Variants in DACH1 observed in about 807,000 individuals in gnomAD.
DACH1 encodes dachshund homolog 1.
A neutral mutation model predicts 54.2 loss-of-function variants in DACH1; 12 were observed. That is an observed-to-expected ratio of 0.22 (90% CI 0.14 to 0.36). The LOEUF (loss-of-function observed/expected upper bound fraction) is 0.36, where lower values mean the gene tolerates loss of function less well. DACH1 is among the 10% of genes least tolerant of loss of function. The probability of loss-of-function intolerance (pLI) is 1.00; values close to 1 mark genes in which losing one functional copy is unlikely to be tolerated. For synonymous variants in DACH1, 386 were observed against 366.2 expected, an observed-to-expected ratio of 1.05 and a Z score of -0.62; for missense variants, 805 against 929.8, an observed-to-expected ratio of 0.87 and a Z score of 1.75.
chr13:71,576,993 TA>T (rs1885570350), intron 3 of DACH1, among the ~76,000 whole-genome samples: 2 of 152,158 alleles, frequency 1.3e-5, no homozygotes, highest in South Asian at 4.1e-4. Context: ...GGTAAAGGCC[TA>T]AATCTAAACA....
intron 1 of DACH1, among the ~76,000 whole-genome samples, chr13:71,817,964 G>A (rs770578686): frequency 9.2e-5 from 14 of 151,438 alleles, no homozygotes; most frequent in Admixed American, 4.6e-4. Flanking sequence ...ACAGCCACCC[G>A]CCATGATGCC....
At chr13:71,817,018 T>C (rs1193537421) in intron 1 of DACH1, among the ~76,000 whole-genome samples, 1 of 152,032 alleles carries the variant, frequency 6.6e-6, no homozygotes, top group Non-Finnish European at 1.5e-5. Context: ...TGACACAAGT[T>C]TACCTGTGTA....
intron 3 of DACH1, among the ~76,000 whole-genome samples, chr13:71,592,319 C>G (rs1223718738): frequency 6.6e-6 from 1 of 151,350 alleles, no homozygotes; most frequent in African/African-American, 2.4e-5. Flanking sequence ...CAAGACCAGG[C>G]TGGGCAACAA....
chr13:71,578,216 T>C (rs753669877), intron 3 of DACH1, among the ~76,000 whole-genome samples: 4 of 152,178 alleles, frequency 2.6e-5, no homozygotes, highest in Non-Finnish European at 4.4e-5. Flanking sequence ...CCACTGCTTA[T>C]TGAGTGACAC....
At chr13:71,803,238 A>G (rs1887358662) in intron 1 of DACH1, among the ~76,000 whole-genome samples, 1 of 152,124 alleles carries the variant, frequency 6.6e-6, no homozygotes, top group South Asian at 2.1e-4. Context: ...AAGATGTGTA[A>G]GATTCCTGGT....
At chr13:71,631,795 A>G (rs918684972) in intron 2 of DACH1, among the ~76,000 whole-genome samples, 18 of 152,110 alleles carry the variant, frequency 1.2e-4, no homozygotes, top group African/African-American at 4.3e-4. Flanking sequence ...AGAGGCAGAC[A>G]TTAAATTAGA....
Position 71,628,668 on chromosome 13 carries a change from A to C in DACH1, c.1126+1888T>G, listed in dbSNP as rs972595641. Among the ~76,000 whole-genome samples the C allele has an allele frequency of 3.9e-5, 6 of 152,218 alleles. No individual in the cohort carries two copies. In the East Asian group the frequency reaches 1.2e-3, roughly 29 times the overall value. On this transcript the variant is annotated intron_variant, in intron 3 of 10. Coordinates refer to ENST00000613252, the MANE Select transcript of DACH1 (RefSeq NM_080759.6). ...CAGCTAAAATACAAAAGAAAATTCA[A>C]ATTGTTTGTTTTTAAGTCATTGCGA... is the stretch of plus-strand genomic sequence containing the variant.
At chr13:71,766,906 A>G (rs895494237) in intron 1 of DACH1, among the ~76,000 whole-genome samples, 1 of 151,902 alleles carries the variant, frequency 6.6e-6, no homozygotes, top group Non-Finnish European at 1.5e-5. Flanking sequence ...TTTTAAACTC[A>G]TTAGCATCTT....
intron 10 of DACH1, among the ~76,000 whole-genome samples, chr13:71,455,280 C>G (rs1186591927): frequency 6.6e-6 from 1 of 152,082 alleles, no homozygotes; most frequent in Non-Finnish European, 1.5e-5. Flanking sequence ...ACACATACCT[C>G]TCCATATATA....
chr13:71,685,633 T>A (rs1003792836), intron 1 of DACH1, among the ~76,000 whole-genome samples: 14 of 152,340 alleles, frequency 9.2e-5, no homozygotes, highest in African/African-American at 3.1e-4. Flanking sequence ...TTTATCCTTA[T>A]GCAATCCTGG....
At chr13:71,794,352 A>G (rs1414120880) in intron 1 of DACH1, among the ~76,000 whole-genome samples, 1 of 152,240 alleles carries the variant, frequency 6.6e-6, no homozygotes, top group Non-Finnish European at 1.5e-5. Flanking sequence ...GTGAATTAAC[A>G]TGGTGTCTCC....
At chr13:71,768,135 A>G (rs1346381276) in intron 1 of DACH1, among the ~76,000 whole-genome samples, 3 of 152,024 alleles carry the variant, frequency 2.0e-5, no homozygotes, top group Non-Finnish European at 4.4e-5. Flanking sequence ...TTGTCTCTCC[A>G]GTCCCAGCGA....
chr13:71,691,110 C>T (rs73523428), intron 1 of DACH1, among the ~76,000 whole-genome samples: 15,651 of 152,110 alleles, frequency 0.1, 1,666 homozygotes, highest in African/African-American at 0.26. Context: ...ATGGCATATG[C>T]GAAGAACCTG....
chr13:71,528,421 TTTTC>T (rs1186180853), intron 6 of DACH1, among the ~76,000 whole-genome samples: 3 of 105,034 alleles, frequency 2.9e-5, no homozygotes, highest in Non-Finnish European at 6.5e-5. Context: ...GAAAAACAGA[TTTTC>T]TTTTTTTTTT....
rs575381444 is a variant in DACH1 at position 71,492,765 on chromosome 13, G to T, written c.1571-3617C>A. ...TGAGTGTGTGTGTGTGTGTGTGAGT[G>T]TATGTGTGTGTGTATGGTGTGAGGG... On this transcript the variant is annotated intron_variant, in intron 6 of 10. Coordinates refer to ENST00000613252, the MANE Select transcript of DACH1 (RefSeq NM_080759.6). Among the ~76,000 whole-genome samples the T allele has an allele frequency of 2.6e-5, 4 of 151,378 alleles. No homozygotes were observed. The South Asian group carries it at 8.4e-4, about 32-fold the overall frequency.
At chr13:71,728,916 G>T (rs1447479968) in intron 1 of DACH1, among the ~76,000 whole-genome samples, 2 of 151,852 alleles carry the variant, frequency 1.3e-5, no homozygotes, top group Non-Finnish European at 2.9e-5. Context: ...TTTGGTTTTT[G>T]AGGTTTTTTT....
At position 71,548,784 on chromosome 13, in the gene DACH1, C is replaced by T. The variant is rs150154201; in HGVS notation, c.1570+8240G>A. Among the ~76,000 whole-genome samples, 409 of 151,916 alleles carry T rather than the reference C, an allele frequency of 2.7e-3. 2 individuals carry two copies. The highest frequency in any genetic ancestry group is 4.8e-3 in the Non-Finnish European group (329 of 67,938). On this transcript the variant is annotated intron_variant, in intron 6 of 10. Coordinates refer to ENST00000613252, the MANE Select transcript of DACH1 (RefSeq NM_080759.6). The stretch of plus-strand genomic sequence containing the variant: ...ATACAAAAAGTAGCCGGTGTGGTGG[C>T]GTGTGCTTGAAGTCCCAGCTATTCG...
At chr13:71,810,591 A>G (rs1282257370) in intron 1 of DACH1, among the ~76,000 whole-genome samples, 1 of 152,200 alleles carries the variant, frequency 6.6e-6, no homozygotes, top group Non-Finnish European at 1.5e-5. Flanking sequence ...TAGGAAAAGA[A>G]AATACTATGA....
chr13:71,679,597 A>G (rs1392316649), intron 2 of DACH1, among the ~76,000 whole-genome samples: 1 of 152,166 alleles, frequency 6.6e-6, no homozygotes, highest in East Asian at 1.9e-4. Context: ...TATTTAAAAA[A>G]AAAACATCAG....
Sources: gnomAD v4.1 joint callset for allele counts (sites outside exome capture counted in the v4.1 genomes callset) on GRCh38, gnomAD v4.1.1 for gene constraint, MANE v1.5 for transcripts, NCBI Gene and HGNC (gene_info 2026-07-23, HGNC 2026-07-21) for gene names.